Variants in ULK4 observed in about 807,000 individuals in gnomAD.
The protein encoded by ULK4 is unc-51 like kinase 4, also known as inactive serine/threonine-protein kinase ULK4.
Under a neutral mutation model 160.6 loss-of-function variants are expected in ULK4, and 133 were observed. That is an observed-to-expected ratio of 0.83 (90% CI 0.72 to 0.96). The LOEUF (loss-of-function observed/expected upper bound fraction) is 0.96. ULK4 is among the 40% of genes least tolerant of loss of function. ULK4 has a pLI of 0.00. For synonymous variants in ULK4, 534 were observed against 539.8 expected (o/e 0.99, Z 0.15); for missense variants, 1,580 against 1,499.5 (o/e 1.05, Z -0.89).
chr3:41,665,609 T>TA (rs1400794646), intron 29 of ULK4, among the ~76,000 whole-genome samples: 1 of 152,146 alleles, frequency 6.6e-6, no homozygotes, highest in Non-Finnish European at 1.5e-5. Flanking sequence ...AAACATACAG[T>TA]ATAATCAAGC....
rs528395620 is a variant in ULK4, at chr3:41,558,991, A to G, written c.3226+7034T>C. ...GCTGCACCCATTAACTCATCATTTA[A>G]CATTAGGTGTATCTCCTAATGCTAT... On this transcript the variant is annotated intron_variant, in intron 32 of 36. Transcript: ENST00000301831. Among the ~76,000 whole-genome samples, 12 of 130,274 alleles carry G rather than the reference A, an allele frequency of 9.2e-5. 1 individual carries two copies. Among genetic ancestry groups the G allele is most frequent in the East Asian group, 6.6e-4 (3 of 4,526 alleles). The allele number at this position is 130,274 out of a possible 152,430, so 85.5% of individuals were successfully genotyped here.
At chr3:41,935,631 G>A (rs1699752234) in intron 4 of ULK4, among the ~76,000 whole-genome samples, 170 bp downstream of exon 4, 1 of 152,128 alleles carries the variant, frequency 6.6e-6, no homozygotes, top group African/African-American at 2.4e-5. Flanking sequence ...AAAGTGCTAG[G>A]ATTACAGGCA....
intron 32 of ULK4, among the ~76,000 whole-genome samples, chr3:41,519,558 G>A (rs950011001): frequency 6.6e-6 from 1 of 152,208 alleles, no homozygotes; most frequent in African/African-American, 2.4e-5. Context: ...CTGAAACACA[G>A]TGTGGTAGGG....
chr3:41,336,646 T>C (rs957597980), intron 35 of ULK4, among the ~76,000 whole-genome samples: 5 of 152,210 alleles, frequency 3.3e-5, no homozygotes, highest in Non-Finnish European at 5.9e-5. Context: ...GACCACCTCC[T>C]TTACAAATGC....
At chr3:41,538,191 G>C (rs1241577398) in intron 32 of ULK4, among the ~76,000 whole-genome samples, 1 of 152,010 alleles carries the variant, frequency 6.6e-6, no homozygotes, top group East Asian at 1.9e-4. Flanking sequence ...TAATGACTTT[G>C]CTTTTTCTAT....
intron 34 of ULK4, among the ~76,000 whole-genome samples, chr3:41,412,202 A>T (rs927156952): frequency 6.6e-6 from 1 of 152,206 alleles, no homozygotes; most frequent in African/African-American, 2.4e-5. Context: ...GCATAAAAAA[A>T]TTTGAAATGC....
At chr3:41,393,228 A>C (rs927720814) in intron 35 of ULK4, among the ~76,000 whole-genome samples, 3 of 152,188 alleles carry the variant, frequency 2.0e-5, no homozygotes, top group African/African-American at 4.8e-5. Flanking sequence ...CTATTCTGTG[A>C]TAGCTACTAT....
rs76452126 is a variant in ULK4 at position 41,432,699 on chromosome 3, C to T, written c.3492+22798G>A. Reference sequence around the variant, plus strand: ...ATTATGATGCATGGAATAAATACAACCAATCACATTCATCCAAAGAAATGA... The same window carrying T: ...ATTATGATGCATGGAATAAATACAATCAATCACATTCATCCAAAGAAATGA... On this transcript the variant is annotated intron_variant, in intron 34 of 36. Coordinates refer to ENST00000301831, the MANE Select transcript of ULK4 (RefSeq NM_017886.4). Among the ~76,000 whole-genome samples, 1,469 of 152,270 alleles carry T rather than the reference C, an allele frequency of 9.6e-3. 24 individuals are homozygous for T. Among genetic ancestry groups the T allele is most frequent in the African/African-American group, 0.033 (1,356 of 41,548 alleles).
At chr3:41,402,289 T>C in intron 34 of ULK4, among the ~76,000 whole-genome samples, 1 of 152,212 alleles carries the variant, frequency 6.6e-6, no homozygotes, top group South Asian at 2.1e-4. Flanking sequence ...TAGATAATTG[T>C]GTCACCTGTA....
intron 19 of ULK4, among the ~76,000 whole-genome samples, chr3:41,818,458 G>A (rs1247125458): frequency 6.6e-6 from 1 of 152,214 alleles, no homozygotes; most frequent in Non-Finnish European, 1.5e-5. Flanking sequence ...CTAGCTTGAA[G>A]CTCTGAATGT....
At chr3:41,707,886 T>C (rs552335847) in intron 25 of ULK4, among the ~76,000 whole-genome samples, 6 of 150,612 alleles carry the variant, frequency 4.0e-5, no homozygotes, top group Non-Finnish European at 8.9e-5. Flanking sequence ...AAAGAAGATA[T>C]ACAAATGGTC....
At chr3:41,709,825 T>G (rs1253536554) in intron 25 of ULK4, among the ~76,000 whole-genome samples, 2 of 152,130 alleles carry the variant, frequency 1.3e-5, no homozygotes, top group African/African-American at 2.4e-5. Flanking sequence ...GAGAGAGAGA[T>G]CTTTTGACTT....
chr3:41,575,778 G>A (rs1460952841), intron 31 of ULK4, among the ~76,000 whole-genome samples: 1 of 152,232 alleles, frequency 6.6e-6, no homozygotes, highest in Non-Finnish European at 1.5e-5. Context: ...ATGGCAATGC[G>A]CTGCGAATGC....
intron 35 of ULK4, among the ~76,000 whole-genome samples, chr3:41,347,405 A>G (rs1358425488): frequency 1.3e-5 from 2 of 152,232 alleles, no homozygotes. Flanking sequence ...CAAGTAAACA[A>G]GACAGATGTT....
intron 21 of ULK4, among the ~76,000 whole-genome samples, chr3:41,784,218 T>C (rs2039935388): frequency 6.6e-6 from 1 of 152,116 alleles, no homozygotes; most frequent in Non-Finnish European, 1.5e-5. Flanking sequence ...GTAGATCATC[T>C]GAGGTTGGGA....
At chr3:41,302,400 C>T (rs1482620590) in intron 35 of ULK4, among the ~76,000 whole-genome samples, 2 of 152,084 alleles carry the variant, frequency 1.3e-5, no homozygotes, top group African/African-American at 4.8e-5. Context: ...TGTCTGGAAA[C>T]CAGGAATCAG....
At chr3:41,493,212 A>G in intron 32 of ULK4, among the ~76,000 whole-genome samples, 1 of 141,926 alleles carries the variant, frequency 7.0e-6, no homozygotes. Context: ...AAAGAACAGA[A>G]ATTATAACAA....
intron 29 of ULK4, among the ~76,000 whole-genome samples, chr3:41,668,930 C>T (rs1054744970): frequency 3.3e-5 from 5 of 152,060 alleles, no homozygotes; most frequent in African/African-American, 1.2e-4. Flanking sequence ...CCACCATAAA[C>T]AAACCAAATG....
chr3:41,718,939 G>A lies in ULK4; in HGVS notation c.2322-1078C>T, dbSNP rs1244968759. Among the ~76,000 whole-genome samples, 7 of 152,160 alleles carry A rather than the reference G, an allele frequency of 4.6e-5. No homozygotes were observed. The East Asian group carries it at 1.3e-3, about 29-fold the overall frequency. On this transcript the variant is annotated intron_variant, in intron 22 of 36. Coordinates refer to ENST00000301831, the MANE Select transcript of ULK4 (RefSeq NM_017886.4). ...GTTAGCCTTGATTCTGTATCAGTTA[G>A]CATCTTCTGTTCTAGTCAACAATTA...
Sources: allele counts gnomAD v4.1 joint callset (sites outside exome capture counted in the v4.1 genomes callset), GRCh38; gene constraint gnomAD v4.1.1; transcripts MANE v1.5; gene names NCBI Gene and HGNC (gene_info 2026-07-23, HGNC 2026-07-21).